Variants in CTNNA3 observed in about 807,000 individuals in gnomAD.
The protein encoded by CTNNA3 is catenin alpha 3.
Under a neutral mutation model 95.7 loss-of-function variants are expected in CTNNA3, and 76 were observed. The ratio of observed to expected loss-of-function variants is 0.79; its 90% CI spans 0.66 to 0.96. The LOEUF is 0.96. Ranked by LOEUF, CTNNA3 falls within the 40% of genes least tolerant of loss-of-function variation. The pLI is 0.00. For missense variants in CTNNA3, 1,191 were observed against 1,089.8 expected (o/e 1.09, Z -1.31); for synonymous variants, 431 against 374.4 (o/e 1.15, Z -1.74).
intron 7 of CTNNA3, among the ~76,000 whole-genome samples, chr10:66,963,153 G>C (rs1020500799): frequency 2.0e-5 from 3 of 152,118 alleles, no homozygotes; most frequent in African/African-American, 7.2e-5. Flanking sequence ...AGTACTTACA[G>C]TATTTGCTAT....
At chr10:67,313,431 C>CAA (rs547368376) in intron 5 of CTNNA3, among the ~76,000 whole-genome samples, 2 of 146,792 alleles carry the variant, frequency 1.4e-5, no homozygotes, top group South Asian at 2.1e-4. Context: ...GAATCCGTCT[C>CAA]AAAAAAAAAA....
At chr10:66,834,254 G>T (rs1194867524) in intron 7 of CTNNA3, among the ~76,000 whole-genome samples, 1 of 152,264 alleles carries the variant, frequency 6.6e-6, no homozygotes, top group South Asian at 2.1e-4. Flanking sequence ...TTGAGTGTTG[G>T]CTTTCACAGA....
At chr10:66,562,619 G>A (rs941792626) in intron 10 of CTNNA3, among the ~76,000 whole-genome samples, 1 of 152,078 alleles carries the variant, frequency 6.6e-6, no homozygotes, top group African/African-American at 2.4e-5. Context: ...AGGTAGATAA[G>A]AGCCTTGCCC....
intron 13 of CTNNA3, among the ~76,000 whole-genome samples, chr10:66,192,069 C>A (rs955283554): frequency 2.0e-5 from 3 of 152,242 alleles, no homozygotes; most frequent in South Asian, 2.1e-4. Flanking sequence ...TTCCAGCCTC[C>A]AGAACTCTGA....
intron 11 of CTNNA3, among the ~76,000 whole-genome samples, chr10:66,463,310 ATC>A (rs1013803629): frequency 6.6e-6 from 1 of 152,008 alleles, no homozygotes; most frequent in Non-Finnish European, 1.5e-5. Context: ...AGAGGCTGGC[ATC>A]TCTCTCCCTT....
At chr10:66,306,225 C>T (rs2091932008) in intron 12 of CTNNA3, among the ~76,000 whole-genome samples, 1 of 152,188 alleles carries the variant, frequency 6.6e-6, no homozygotes, top group African/African-American at 2.4e-5. Flanking sequence ...CATCAGCCAC[C>T]TGGATTTTGT....
intron 7 of CTNNA3, among the ~76,000 whole-genome samples, chr10:67,022,656 G>C (rs1367817017): frequency 1.3e-5 from 2 of 152,072 alleles, no homozygotes; most frequent in East Asian, 3.9e-4. Context: ...ATACACTGAA[G>C]GCCGGGCACG....
intron 7 of CTNNA3, among the ~76,000 whole-genome samples, chr10:66,808,920 A>G (rs1348552383): frequency 6.6e-6 from 1 of 152,216 alleles, no homozygotes; most frequent in Non-Finnish European, 1.5e-5. Flanking sequence ...CTTCAAGTGT[A>G]TATTTAAATT....
chr10:66,721,448 T>C (rs1848625667), intron 9 of CTNNA3, among the ~76,000 whole-genome samples: 1 of 152,194 alleles, frequency 6.6e-6, no homozygotes. Context: ...GAAACATTTA[T>C]TAGGAGTATA....
intron 5 of CTNNA3, among the ~76,000 whole-genome samples, chr10:67,459,149 G>A (rs1198112806): frequency 6.6e-6 from 1 of 152,146 alleles, no homozygotes; most frequent in East Asian, 1.9e-4. Flanking sequence ...CTACAACAGT[G>A]CCATCAGTAG....
intron 9 of CTNNA3, among the ~76,000 whole-genome samples, chr10:66,733,194 T>C (rs1254822701): frequency 1.3e-5 from 2 of 152,192 alleles, no homozygotes; most frequent in Non-Finnish European, 2.9e-5. Flanking sequence ...AACAAATATC[T>C]TCTTTCTTTG....
At chr10:67,514,286 C>T (rs545258825) in intron 5 of CTNNA3, among the ~76,000 whole-genome samples, 5 of 151,990 alleles carry the variant, frequency 3.3e-5, no homozygotes, top group South Asian at 2.1e-4. Flanking sequence ...GGTAACAGAG[C>T]GAGATTGTCT....
At chr10:67,291,617 G>C (rs1839840402) in intron 5 of CTNNA3, among the ~76,000 whole-genome samples, 1 of 152,118 alleles carries the variant, frequency 6.6e-6, no homozygotes, top group African/African-American at 2.4e-5. Context: ...ATACTTCATA[G>C]TCAGCTGATT....
chr10:67,739,266 G>A (rs1195281105), intron 1 of CTNNA3, among the ~76,000 whole-genome samples: 1 of 152,106 alleles, frequency 6.6e-6, no homozygotes, highest in Non-Finnish European at 1.5e-5. Context: ...AGAGAGTGGG[G>A]GCCAATATTC....
intron 9 of CTNNA3, among the ~76,000 whole-genome samples, chr10:66,693,236 C>G (rs911526907): frequency 1.3e-5 from 2 of 151,978 alleles, no homozygotes; most frequent in East Asian, 3.9e-4. Flanking sequence ...CAGAGACACA[C>G]ATAGGCTCAA....
intron 13 of CTNNA3, among the ~76,000 whole-genome samples, chr10:66,137,610 A>G (rs2083419878): frequency 6.6e-6 from 1 of 152,184 alleles, no homozygotes; most frequent in African/African-American, 2.4e-5. Context: ...TTGAGGTTAT[A>G]CTGGAGAATG....
At chr10:67,632,188 G>A (rs1226730346) in intron 2 of CTNNA3, among the ~76,000 whole-genome samples, 2 of 147,860 alleles carry the variant, frequency 1.4e-5, no homozygotes, top group Non-Finnish European at 1.5e-5. Context: ...GGGTAGAGAT[G>A]GATGTGTTAA....
chr10:67,412,321 C>T (rs554613950), intron 5 of CTNNA3, among the ~76,000 whole-genome samples: 1 of 151,714 alleles, frequency 6.6e-6, no homozygotes, highest in Non-Finnish European at 1.5e-5. Context: ...TAAAATTCAA[C>T]AAAAAGAAAA....
chr10:67,560,224 G>T (rs928071272), intron 3 of CTNNA3, among the ~76,000 whole-genome samples: 2 of 152,028 alleles, frequency 1.3e-5, no homozygotes, highest in African/African-American at 4.8e-5. Flanking sequence ...AAAACGGTAA[G>T]GGCAGCCAGA....
Sources: allele counts gnomAD v4.1 joint callset (sites outside exome capture counted in the v4.1 genomes callset), GRCh38; gene constraint gnomAD v4.1.1; transcripts MANE v1.5; gene names NCBI Gene and HGNC (gene_info 2026-07-23, HGNC 2026-07-21).